The following PDE10A variants were observed in gnomAD, a reference collection of about 807,000 sequenced individuals.
PDE10A encodes cAMP and cAMP-inhibited cGMP 3',5'-cyclic phosphodiesterase 10A.
PDE10A carries 39 observed loss-of-function variants against 97.7 expected under a neutral mutation model. The ratio of observed to expected loss-of-function variants is 0.40; its 90% CI spans 0.31 to 0.52. PDE10A has a LOEUF of 0.52. Among genes scored for constraint, PDE10A ranks in the 20% least tolerant of loss-of-function variants. The pLI, the probability that PDE10A is intolerant of heterozygous loss-of-function variation, is 0.56. For synonymous variants in PDE10A, 371 were observed against 376.8 expected (o/e 0.98, Z 0.18); for missense variants, 731 against 1,047.8 (o/e 0.70, Z 4.17).
intron 3 of PDE10A, among the ~76,000 whole-genome samples, chr6:165,456,552 G>T (rs568251710): frequency 6.6e-6 from 1 of 152,314 alleles, no homozygotes; most frequent in African/African-American, 2.4e-5. Flanking sequence ...GAAATGGGTT[G>T]TTACAAATAA....
At chr6:165,855,486 GC>G (rs1324196607) in intron 1 of PDE10A, among the ~76,000 whole-genome samples, 1 of 151,520 alleles carries the variant, frequency 6.6e-6, no homozygotes, top group Non-Finnish European at 1.5e-5. Flanking sequence ...ACAGTCATTG[GC>G]CGCCTCTTCT....
chr6:165,654,518 A>AAGGTTTCCTTCCAGTGTCCAAAGCCC (rs145182482), intron 1 of PDE10A, among the ~76,000 whole-genome samples: 4,967 of 152,116 alleles, frequency 0.033, 269 homozygotes, highest in African/African-American at 0.11. Context: ...CTCTGAGGAA[A>AAGGTTTCCTTCCAGTGTCCAAAGCCC]AGGTTTCCTT....
At chr6:165,826,806 G>A (rs1429717543) in intron 1 of PDE10A, among the ~76,000 whole-genome samples, 2 of 151,794 alleles carry the variant, frequency 1.3e-5, no homozygotes, top group Admixed American at 1.3e-4. Flanking sequence ...GAGGCTGGGG[G>A]GCAGGGAGGA....
chr6:165,976,229 T>G (rs1784841831), intron 1 of PDE10A, among the ~76,000 whole-genome samples: 1 of 152,222 alleles, frequency 6.6e-6, no homozygotes, highest in South Asian at 2.1e-4. Flanking sequence ...TTAATTATTA[T>G]TATTATCGTG....
intron 1 of PDE10A, among the ~76,000 whole-genome samples, chr6:165,643,978 A>T (rs2085962147): frequency 6.6e-6 from 1 of 152,216 alleles, no homozygotes; most frequent in South Asian, 2.1e-4. Context: ...CTAGTCAATT[A>T]AAAAATATAT....
intron 2 of PDE10A, among the ~76,000 whole-genome samples, chr6:165,503,019 T>C (rs1780984140): frequency 6.6e-6 from 1 of 152,160 alleles, no homozygotes; most frequent in South Asian, 2.1e-4. Flanking sequence ...ATAAAGCTGA[T>C]TAAACAAAGA....
chr6:165,774,409 G>A (rs1444137533), intron 1 of PDE10A, among the ~76,000 whole-genome samples: 2 of 149,424 alleles, frequency 1.3e-5, no homozygotes, highest in African/African-American at 2.4e-5. Context: ...ATGCATGAAA[G>A]TACTGAATAT....
intron 1 of PDE10A, among the ~76,000 whole-genome samples, chr6:165,912,683 G>T (rs367761667): frequency 6.6e-6 from 1 of 152,222 alleles, no homozygotes; most frequent in South Asian, 2.1e-4. Flanking sequence ...AGGGCTGTTG[G>T]TGGTGAGTTT....
intron 3 of PDE10A, among the ~76,000 whole-genome samples, chr6:165,469,331 T>A (rs1377166072): frequency 6.6e-6 from 1 of 152,214 alleles, no homozygotes; most frequent in Admixed American, 6.5e-5. Flanking sequence ...GGTGTTGTAT[T>A]CAATTAGGTA....
intron 1 of PDE10A, among the ~76,000 whole-genome samples, chr6:165,650,553 C>G (rs3008050): frequency 6.6e-6 from 1 of 151,886 alleles, no homozygotes; most frequent in South Asian, 2.1e-4. Context: ...CGGTGTATCT[C>G]GAAGATCTTC....
At chr6:165,934,719 GT>G (rs1226713262) in intron 1 of PDE10A, among the ~76,000 whole-genome samples, 1 of 152,088 alleles carries the variant, frequency 6.6e-6, no homozygotes, top group African/African-American at 2.4e-5. Flanking sequence ...TGTGGCTTTT[GT>G]TCCACCCCAC....
intron 1 of PDE10A, among the ~76,000 whole-genome samples, chr6:165,741,561 G>T (rs59935967): frequency 0.047 from 7,190 of 152,150 alleles, 280 homozygotes; most frequent in South Asian, 0.18. Context: ...TTGAATATGA[G>T]CATACCCGTC....
rs564863433 is a variant in PDE10A at position 165,496,218 on chromosome 6, A to C, written c.995-13875T>G. The stretch of plus-strand genomic sequence containing the variant: ...ACCGAAGATGACCCCCTTATTTCCA[A>C]ATACTAAGTCCTTCCAGACTCAGCT... On this transcript the variant is annotated intron_variant, in intron 2 of 21. Transcript: ENST00000539869. 5.9e-5 allele frequency among the ~76,000 whole-genome samples: 9 copies of C among 152,216 alleles called. No individual in the cohort carries two copies. The South Asian group carries it at 1.5e-3, about 25-fold the overall frequency.
At chr6:165,339,181 A>AT in intron 20 of PDE10A, 97 bp downstream of exon 20, 1 of 794,698 alleles carries the variant, frequency 1.3e-6, no homozygotes, top group Non-Finnish European at 2.3e-6. Flanking sequence ...TTCCCTTAAC[A>AT]TAATATATGA....
At chr6:165,759,493 G>A (rs957599940) in intron 1 of PDE10A, among the ~76,000 whole-genome samples, 2 of 152,158 alleles carry the variant, frequency 1.3e-5, no homozygotes, top group African/African-American at 4.8e-5. Context: ...CTCTGATGGA[G>A]AGAAGGAACA....
At chr6:165,938,517 CA>C (rs1051099887) in intron 1 of PDE10A, among the ~76,000 whole-genome samples, 6 of 152,102 alleles carry the variant, frequency 3.9e-5, no homozygotes, top group African/African-American at 1.4e-4. Context: ...CTGAGGGCGC[CA>C]AGGGACCCTG....
chr6:165,701,381 A>G (rs994395143), intron 1 of PDE10A, among the ~76,000 whole-genome samples: 1 of 152,236 alleles, frequency 6.6e-6, no homozygotes, highest in Non-Finnish European at 1.5e-5. Flanking sequence ...TGATTTTTCA[A>G]GAGAATGCTG....
At chr6:165,484,858 C>A (rs781754670) in intron 2 of PDE10A, among the ~76,000 whole-genome samples, 16 of 152,184 alleles carry the variant, frequency 1.1e-4, no homozygotes, top group Non-Finnish European at 1.9e-4. Flanking sequence ...CTTTCCCACA[C>A]TATGCACTTG....
chr6:165,705,745 A>T (rs963224382), intron 1 of PDE10A, among the ~76,000 whole-genome samples: 6 of 152,214 alleles, frequency 3.9e-5, no homozygotes, highest in Admixed American at 6.5e-5. Context: ...ATCTATTTTT[A>T]AAAAAAGATG....
Sources: allele counts gnomAD v4.1 joint callset (sites outside exome capture counted in the v4.1 genomes callset), GRCh38; gene constraint gnomAD v4.1.1; transcripts MANE v1.5; gene names NCBI Gene and HGNC (gene_info 2026-07-23, HGNC 2026-07-21).